The following EML4 variants were observed in gnomAD, a reference collection of about 807,000 sequenced individuals.
EML4 encodes the protein echinoderm microtubule-associated protein-like 4.
In EML4, 72 loss-of-function variants were observed where a neutral mutation model predicts 129.0. The ratio of observed to expected loss-of-function variants is 0.56; its 90% CI spans 0.46 to 0.68. The LOEUF is 0.68. Among genes scored for constraint, EML4 ranks in the 30% least tolerant of loss-of-function variants. EML4 has a pLI of 0.00. For synonymous variants in EML4, 532 were observed against 405.0 expected (o/e 1.31, Z -3.77); for missense variants, 1,363 against 1,190.6 (o/e 1.14, Z -2.13).
chr2:42,310,449 G>A (rs1196068305), intron 17 of EML4, among the ~76,000 whole-genome samples: 2 of 152,078 alleles, frequency 1.3e-5, no homozygotes, highest in African/African-American at 2.4e-5. Context: ...GGGTTCAAGT[G>A]ATTCTCATGC....
intron 20 of EML4, 54 bp from the exon 21 acceptor site, chr2:42,326,100 A>C: frequency 6.3e-7 from 1 of 1,597,266 alleles, no homozygotes; most frequent in Non-Finnish European, 8.5e-7. Context: ...ATGCACTTTC[A>C]AATACATTTG....
intron 1 of EML4, among the ~76,000 whole-genome samples, chr2:42,195,425 T>C (rs917981615): frequency 6.6e-6 from 1 of 152,216 alleles, no homozygotes; most frequent in Non-Finnish European, 1.5e-5. Context: ...TAGTAAACAT[T>C]AGAAATAATT....
intron 2 of EML4, among the ~76,000 whole-genome samples, chr2:42,247,648 ATGCT>A (rs1250921430): frequency 6.6e-6 from 1 of 152,032 alleles, no homozygotes. Flanking sequence ...GTGTTATATT[ATGCT>A]TGCTTGCTTG....
At chr2:42,263,090 A>C (rs1665835138) in intron 4 of EML4, 88 bp from the exon 5 acceptor site, 1 of 1,099,678 alleles carries the variant, frequency 9.1e-7, no homozygotes, top group Non-Finnish European at 1.3e-6. Flanking sequence ...AGGAAATGTT[A>C]ATTGCTGCTT....
At chr2:42,292,350 C>G (rs1043738002) in intron 11 of EML4, among the ~76,000 whole-genome samples, 22 of 152,020 alleles carry the variant, frequency 1.4e-4, no homozygotes, top group Non-Finnish European at 7.4e-5. Flanking sequence ...TTATGGTAGC[C>G]AAAAACATGG....
At chr2:42,227,224 C>T (rs931226454) in intron 1 of EML4, among the ~76,000 whole-genome samples, 1 of 152,136 alleles carries the variant, frequency 6.6e-6, no homozygotes, top group African/African-American at 2.4e-5. Flanking sequence ...ATCCTTCCAC[C>T]TCAGCCCCCA....
intron 6 of EML4, among the ~76,000 whole-genome samples, chr2:42,274,853 G>A (rs561559263): frequency 3.3e-5 from 5 of 152,154 alleles, no homozygotes; most frequent in Admixed American, 6.5e-5. Context: ...AATGGGTGAA[G>A]GACACAGAAG....
intron 1 of EML4, among the ~76,000 whole-genome samples, chr2:42,171,306 A>G (rs998021801): frequency 1.3e-5 from 2 of 152,172 alleles, no homozygotes; most frequent in African/African-American, 4.8e-5. Flanking sequence ...CTATCTTTAT[A>G]CTGTATTGGG....
At chr2:42,177,359 G>A (rs1431630601) in intron 1 of EML4, among the ~76,000 whole-genome samples, 4 of 151,672 alleles carry the variant, frequency 2.6e-5, no homozygotes, top group East Asian at 1.9e-4. Flanking sequence ...TATGGCTCAC[G>A]CCTGTAATCC....
rs751940236 is a variant in EML4 at position 42,282,954 on chromosome 2, A to G, written c.923A>G (p.His308Arg). 2 of 1,612,626 alleles carry G rather than the reference A, an allele frequency of 1.2e-6. No individual in the cohort carries two copies. Among genetic ancestry groups the G allele is most frequent in the Non-Finnish European group, 1.7e-6 (2 of 1,179,568 alleles). Residue 308 changes from histidine (H) to arginine (R), a missense_variant, in exon 8 of 23, where the codon CAT becomes CGT. Coordinates refer to ENST00000318522, the MANE Select transcript of EML4 (RefSeq NM_019063.5). The part of the protein sequence containing the change: ...EERTQRHYLG[H>R]TDCVKCLAIH... ...AGAACTCAGCGACACTACCTGGGCC[A>G]TACAGACTGTGTGAAATGGTTGGTA...
intron 6 of EML4, among the ~76,000 whole-genome samples, chr2:42,278,580 A>G (rs1256797520): frequency 2.2e-5 from 3 of 135,344 alleles, no homozygotes; most frequent in African/African-American, 7.9e-5. Flanking sequence ...TCTCAAAAAA[A>G]AAAAAAAAAA....
intron 2 of EML4, among the ~76,000 whole-genome samples, chr2:42,254,472 G>A (rs1675991525): frequency 6.8e-6 from 1 of 148,128 alleles, no homozygotes; most frequent in African/African-American, 2.5e-5. Context: ...AAAAAAAAAA[G>A]ACTAAGAAAG....
chr2:42,297,272 A>G (rs1668012516), intron 13 of EML4, among the ~76,000 whole-genome samples: 1 of 152,128 alleles, frequency 6.6e-6, no homozygotes, highest in Non-Finnish European at 1.5e-5. Context: ...CAGAAATGCC[A>G]GGAACAGCAT....
chr2:42,186,220 A>T (rs1196861032), intron 1 of EML4, among the ~76,000 whole-genome samples: 1 of 152,212 alleles, frequency 6.6e-6, no homozygotes, highest in Admixed American at 6.5e-5. Context: ...TACATAGCCA[A>T]AATAAGGAGA....
chr2:42,249,303 C>G (rs1201340549), intron 2 of EML4, among the ~76,000 whole-genome samples: 1 of 102,644 alleles, frequency 9.7e-6, no homozygotes, highest in African/African-American at 4.2e-5. Context: ...ATTTTTTAGC[C>G]CCTGTGAAAT....
chr2:42,319,279 A>C (rs1669400956), intron 19 of EML4, among the ~76,000 whole-genome samples: 1 of 152,198 alleles, frequency 6.6e-6, no homozygotes, highest in South Asian at 2.1e-4. Flanking sequence ...TTTACTGTAC[A>C]ACTGATCCAG....
Position 42,323,471 on chromosome 2 carries a change from T to C in EML4, c.2155-1996T>C, listed in dbSNP as rs370483816. On this transcript the variant is annotated intron_variant, in intron 19 of 22. Transcript: ENST00000318522. ...ACTTCTCAGATTCATATAATTTAAATTGGTTTAAATATGTTTATTTCCCAT... is the reference window on the plus strand; with the variant it reads ...ACTTCTCAGATTCATATAATTTAAACTGGTTTAAATATGTTTATTTCCCAT... Among the ~76,000 whole-genome samples, 44 of 152,308 alleles carry C rather than the reference T, an allele frequency of 2.9e-4. 1 individual carries two copies. In the South Asian group the frequency reaches 9.1e-3, roughly 32 times the overall value.
chr2:42,245,454 C>T, intron 1 of EML4, 51 bp from the exon 2 acceptor site: 1 of 1,470,836 alleles, frequency 6.8e-7, no homozygotes, highest in Non-Finnish European at 9.3e-7. Context: ...TCAGAAATTA[C>T]TTCTCAAGCA....
intron 3 of EML4, among the ~76,000 whole-genome samples, chr2:42,260,200 C>T (rs562527127): frequency 6.6e-6 from 1 of 152,094 alleles, no homozygotes; most frequent in South Asian, 2.1e-4. Flanking sequence ...TGGAGTCTCG[C>T]ACTGTCATCC....
Sources: allele counts gnomAD v4.1 joint callset (sites outside exome capture counted in the v4.1 genomes callset), GRCh38; gene constraint gnomAD v4.1.1; transcripts MANE v1.5; gene names NCBI Gene and HGNC (gene_info 2026-07-23, HGNC 2026-07-21).